Variants in SEMA5B observed in about 807,000 individuals in gnomAD.
The protein encoded by SEMA5B is semaphorin 5B.
A neutral mutation model predicts 135.0 loss-of-function variants in SEMA5B; 66 were observed. That is an observed-to-expected ratio of 0.49 (90% CI 0.40 to 0.60). SEMA5B has a LOEUF of 0.60. Among genes scored for constraint, SEMA5B ranks in the 20% least tolerant of loss-of-function variants. The pLI, the probability that SEMA5B is intolerant of heterozygous loss-of-function variation, is 0.00. For synonymous variants in SEMA5B, 690 were observed against 639.5 expected (o/e 1.08, Z -1.19); for missense variants, 1,501 against 1,566.3 (o/e 0.96, Z 0.70).
At chr3:122,999,533 A>T (rs16833754) in intron 1 of SEMA5B, among the ~76,000 whole-genome samples, 9,584 of 146,854 alleles carry the variant, frequency 0.065, 365 homozygotes, top group East Asian at 0.16. Flanking sequence ...CCTTAAGTAG[A>T]TTTTTTTTTT....
At chr3:122,925,324 T>A (rs1331346408) in intron 9 of SEMA5B, among the ~76,000 whole-genome samples, 1 of 151,868 alleles carries the variant, frequency 6.6e-6, no homozygotes, top group Non-Finnish European at 1.5e-5. Flanking sequence ...AGAGTAGTCT[T>A]GGGCCACACA....
At chr3:123,021,720 G>A (rs1203206739) in intron 1 of SEMA5B, among the ~76,000 whole-genome samples, 5 of 152,340 alleles carry the variant, frequency 3.3e-5, no homozygotes, top group Non-Finnish European at 7.4e-5. Flanking sequence ...CTCTGGCAGG[G>A]AACGAAACTG....
upstream of SEMA5B, chr3:123,028,415 C>T (rs545590168): frequency 9.2e-5 from 14 of 152,422 alleles, no homozygotes; most frequent in African/African-American, 3.4e-4. Context: ...CCTCAGTTTC[C>T]TCAGCTGTAA....
intron 1 of SEMA5B, among the ~76,000 whole-genome samples, chr3:122,969,263 C>T (rs1414873496): frequency 3.3e-5 from 5 of 152,276 alleles, no homozygotes; most frequent in Middle Eastern, 3.4e-3. Context: ...GATGCCAAAG[C>T]GCATGCTTTT....
chr3:122,913,604 T>G lies in SEMA5B; in HGVS notation c.2210A>C (p.Asn737Thr). Residue 737 changes from asparagine to threonine, a missense_variant, in exon 16 of 23, where the codon AAC becomes ACC. This residue lies in a region of SEMA5B where 927 missense variants were observed against 881.6 expected (regional missense o/e 1.05). Coordinates refer to ENST00000357599, the MANE Select transcript of SEMA5B (RefSeq NM_001031702.4). ...SWGSWSKCSSNCGGGMQSRRR... is the reference protein window; with the variant it reads ...SWGSWSKCSSTCGGGMQSRRR... ...CCGCGACTGCATGCCCCCTCCACAG[T>G]TGCTGCTGCACTTGCTCCAGGAGCC... 6.2e-7 allele frequency: 1 copy of G among 1,613,406 alleles called. No individual in the cohort carries two copies. Among genetic ancestry groups the G allele is most frequent in the South Asian group, 1.1e-5 (1 of 91,032 alleles).
At chr3:122,932,025 C>A (rs374695410) in intron 5 of SEMA5B, among the ~76,000 whole-genome samples, 1 of 152,170 alleles carries the variant, frequency 6.6e-6, no homozygotes, top group Non-Finnish European at 1.5e-5. Context: ...CTGAAAGACA[C>A]GTCCCAACTT....
chr3:122,916,493 G>A (rs893304967), intron 12 of SEMA5B, among the ~76,000 whole-genome samples: 1 of 152,154 alleles, frequency 6.6e-6, no homozygotes, highest in Non-Finnish European at 1.5e-5. Context: ...TAATGGGAGC[G>A]AGGCTGAGAA....
intron 5 of SEMA5B, among the ~76,000 whole-genome samples, chr3:122,933,146 A>G (rs1939069272): frequency 6.6e-6 from 1 of 151,690 alleles, no homozygotes; most frequent in Non-Finnish European, 1.5e-5. Flanking sequence ...CTCCTGCTTG[A>G]CTGTTAGCCT....
chr3:123,015,797 G>A (rs1191308205), intron 1 of SEMA5B, among the ~76,000 whole-genome samples: 1 of 152,214 alleles, frequency 6.6e-6, no homozygotes, highest in African/African-American at 2.4e-5. Flanking sequence ...ACTCAGTAGA[G>A]ACTTGTGCCA....
intron 1 of SEMA5B, among the ~76,000 whole-genome samples, chr3:122,991,137 G>A (rs1054674819): frequency 6.6e-6 from 1 of 152,188 alleles, no homozygotes; most frequent in African/African-American, 2.4e-5. Flanking sequence ...ACCCAAACCA[G>A]CAGCCGAGCC....
At chr3:123,003,853 TA>T (rs5852319) in intron 1 of SEMA5B, among the ~76,000 whole-genome samples, 9,356 of 127,862 alleles carry the variant, frequency 0.073, 837 homozygotes, top group African/African-American at 0.24. Flanking sequence ...AATAAATAAA[TA>T]AATAATAATA....
rs75990321 is a variant in SEMA5B at position 122,909,831 on chromosome 3, A to G, written c.*312T>C. On this transcript the variant is annotated 3_prime_UTR_variant, in exon 23 of 23. Coordinates refer to ENST00000357599, the MANE Select transcript of SEMA5B (RefSeq NM_001031702.4). ...GCCCTCTTGCCATCTCCATTCTCCA[A>G]TTCCTCAAATGCCCAGTAGGTCCAC... 0.037 allele frequency: 9,864 copies of G among 263,072 alleles called. 260 individuals are homozygous for G. Among genetic ancestry groups the G allele is most frequent in the Non-Finnish European group, 0.05 (7,008 of 139,998 alleles). 16.3% of individuals were successfully genotyped at this position (263,072 alleles called of 1,614,324 possible).
intron 5 of SEMA5B, 98 bp from the exon 6 acceptor site, chr3:122,929,156 A>T (rs1353756514): frequency 1.6e-6 from 2 of 1,212,746 alleles, no homozygotes; most frequent in African/African-American, 3.0e-5. Flanking sequence ...GGGAGTGGAC[A>T]TGAAGCTGTG....
At chr3:122,999,189 C>T (rs1345412882) in intron 1 of SEMA5B, among the ~76,000 whole-genome samples, 2 of 152,132 alleles carry the variant, frequency 1.3e-5, no homozygotes, top group Non-Finnish European at 2.9e-5. Flanking sequence ...TGAGGCATGT[C>T]CCCAGCTGGA....
At chr3:122,924,511 G>A (rs530840047) in intron 9 of SEMA5B, among the ~76,000 whole-genome samples, 34 of 152,218 alleles carry the variant, frequency 2.2e-4, no homozygotes, top group African/African-American at 7.2e-4. Context: ...AGTGGTGAGC[G>A]TTTCAAAATG....
intron 1 of SEMA5B, among the ~76,000 whole-genome samples, chr3:123,010,640 C>T (rs566118740): frequency 3.3e-5 from 5 of 151,948 alleles, no homozygotes; most frequent in Non-Finnish European, 7.4e-5. Context: ...GAAACCCCAT[C>T]TCTACTAAAA....
intron 12 of SEMA5B, among the ~76,000 whole-genome samples, chr3:122,919,788 AC>A (rs1397831934): frequency 6.6e-6 from 1 of 152,122 alleles, no homozygotes; most frequent in Non-Finnish European, 1.5e-5. Context: ...CAGGGTTTTC[AC>A]TGTACACATC....
intron 8 of SEMA5B, among the ~76,000 whole-genome samples, chr3:122,927,145 C>A (rs1274280645): frequency 6.6e-6 from 1 of 152,202 alleles, no homozygotes; most frequent in Non-Finnish European, 1.5e-5. Context: ...AGGGGTTCAA[C>A]CCCAAGGGCT....
At chr3:122,957,402 A>C (rs1262697140) in intron 2 of SEMA5B, among the ~76,000 whole-genome samples, 4 of 152,226 alleles carry the variant, frequency 2.6e-5, no homozygotes, top group Admixed American at 1.3e-4. Flanking sequence ...AGGGAGAATG[A>C]GGGATCAGGC....
Sources: gnomAD v4.1 joint callset for allele counts (sites outside exome capture counted in the v4.1 genomes callset) on GRCh38, gnomAD v4.1.1 for gene constraint, gnomAD v4.1.1 regional missense constraint, MANE v1.5 for transcripts, NCBI Gene and HGNC (gene_info 2026-07-23, HGNC 2026-07-21) for gene names.